Variants in THSD7A observed in about 807,000 individuals in gnomAD.
THSD7A encodes thrombospondin type-1 domain-containing protein 7A.
In THSD7A, 96 loss-of-function variants were observed where a neutral mutation model predicts 231.3. That is an observed-to-expected ratio of 0.41 (90% CI 0.35 to 0.49). The LOEUF is 0.49. Ranked by LOEUF, THSD7A falls within the 20% of genes least tolerant of loss-of-function variation. The probability of loss-of-function intolerance (pLI) is 0.05; values close to 1 mark genes in which losing one functional copy is unlikely to be tolerated. For synonymous variants in THSD7A, 940 were observed against 743.3 expected (o/e 1.26, Z -4.30); for missense variants, 2,290 against 2,070.2 (o/e 1.11, Z -2.06).
chr7:11,700,352 T>A (rs145939947), intron 1 of THSD7A, among the ~76,000 whole-genome samples: 19 of 151,252 alleles, frequency 1.3e-4, no homozygotes, highest in Middle Eastern at 3.2e-3. Flanking sequence ...CACCATATGA[T>A]ACTTGAAAGG....
rs901995989 is a variant in THSD7A at position 11,612,394 on chromosome 7, C to T, written c.1023-18892G>A. Among the ~76,000 whole-genome samples, 9 of 152,184 alleles carry T rather than the reference C, an allele frequency of 5.9e-5. No individual in the cohort carries two copies. In the East Asian group the frequency reaches 7.7e-4, roughly 13 times the overall value. ...AAATAAAGAATGCAGAAACAGTTCT[C>T]GTCAAAGAAGTCATGTCACACATCC... On this transcript the variant is annotated intron_variant, in intron 2 of 27. Transcript: ENST00000423059.
intron 6 of THSD7A, among the ~76,000 whole-genome samples, chr7:11,506,460 C>T (rs922582078): frequency 6.6e-6 from 1 of 152,136 alleles, no homozygotes; most frequent in Non-Finnish European, 1.5e-5. Context: ...CCAGATTCTG[C>T]CTTCTATGTT....
intron 15 of THSD7A, 34 bp from the exon 16 acceptor site, chr7:11,424,863 A>T (rs772677377): frequency 6.2e-7 from 1 of 1,613,036 alleles, no homozygotes; most frequent in Admixed American, 1.7e-5. Context: ...AATCTCAGGG[A>T]ATCTGGTAAG....
intron 6 of THSD7A, among the ~76,000 whole-genome samples, chr7:11,509,459 T>C (rs1166393207): frequency 6.6e-6 from 1 of 152,202 alleles, no homozygotes; most frequent in Non-Finnish European, 1.5e-5. Context: ...AACTTTTCAA[T>C]GCTGCTTTTT....
chr7:11,715,555 TTC>T (rs1294550056), intron 1 of THSD7A, among the ~76,000 whole-genome samples: 1 of 151,504 alleles, frequency 6.6e-6, no homozygotes, highest in East Asian at 2.0e-4. Flanking sequence ...CTTTCCTTCT[TTC>T]TGTCTCTCAA....
At chr7:11,666,075 A>T (rs1783118392) in intron 1 of THSD7A, among the ~76,000 whole-genome samples, 1 of 152,116 alleles carries the variant, frequency 6.6e-6, no homozygotes, top group Non-Finnish European at 1.5e-5. Flanking sequence ...TGTAAGAAAT[A>T]AATTAAAATA....
At chr7:11,509,973 A>C (rs1787735575) in intron 6 of THSD7A, among the ~76,000 whole-genome samples, 1 of 152,062 alleles carries the variant, frequency 6.6e-6, no homozygotes, top group Non-Finnish European at 1.5e-5. Flanking sequence ...CTCTGATTTG[A>C]TCATTACATA....
Position 11,634,095 on chromosome 7 carries a change from T to C in THSD7A, c.1022+2035A>G, listed in dbSNP as rs1369919707. 1.3e-5 allele frequency among the ~76,000 whole-genome samples: 2 copies of C among 152,162 alleles called. No homozygotes were observed. The highest frequency in any genetic ancestry group is 2.9e-5 in the Non-Finnish European group (2 of 68,010). On this transcript the variant is annotated intron_variant, in intron 2 of 27. Coordinates refer to ENST00000423059, the MANE Select transcript of THSD7A (RefSeq NM_015204.3). The surrounding 1 kb of genome is among the most constrained non-coding windows in gnomAD (Gnocchi z 4.1). ...TATCTGATTTTTATCTCTTCTTCTC[T>C]AGGACTTTCTTGATCACACATGATA...
intron 2 of THSD7A, among the ~76,000 whole-genome samples, chr7:11,607,417 T>G (rs560311589): frequency 6.6e-6 from 1 of 152,166 alleles, no homozygotes; most frequent in Non-Finnish European, 1.5e-5. Flanking sequence ...TTTTTCCATA[T>G]GGTGAAATGA....
intron 13 of THSD7A, among the ~76,000 whole-genome samples, chr7:11,433,299 A>C (rs1169735881): frequency 6.6e-6 from 1 of 152,008 alleles, no homozygotes; most frequent in East Asian, 1.9e-4. Flanking sequence ...TTTTTCCTAC[A>C]GCTGAGGCAG....
At chr7:11,538,886 T>A (rs1251174241) in intron 6 of THSD7A, among the ~76,000 whole-genome samples, 2 of 151,934 alleles carry the variant, frequency 1.3e-5, no homozygotes, top group Non-Finnish European at 2.9e-5. Flanking sequence ...TCACTGGGAG[T>A]CTGGACAAAG....
At chr7:11,780,663 G>T (rs1298021420) in intron 1 of THSD7A, among the ~76,000 whole-genome samples, 2 of 151,992 alleles carry the variant, frequency 1.3e-5, no homozygotes, top group Non-Finnish European at 2.9e-5. Flanking sequence ...AATCACCCAG[G>T]GAAACCATTT....
At chr7:11,518,048 T>G (rs779791093) in intron 6 of THSD7A, among the ~76,000 whole-genome samples, 22 of 152,180 alleles carry the variant, frequency 1.4e-4, no homozygotes, top group African/African-American at 4.8e-4. Context: ...CTTGACTGCT[T>G]GCTGGATGGT....
intron 6 of THSD7A, among the ~76,000 whole-genome samples, chr7:11,486,259 T>C (rs1786652171): frequency 6.6e-6 from 1 of 151,240 alleles, no homozygotes; most frequent in African/African-American, 2.5e-5. Flanking sequence ...TTTGGATTGA[T>C]ACACTTTATT....
intron 13 of THSD7A, among the ~76,000 whole-genome samples, chr7:11,442,565 G>A (rs1023862566): frequency 6.6e-6 from 1 of 152,006 alleles, no homozygotes; most frequent in Non-Finnish European, 1.5e-5. Flanking sequence ...TGATTTGGCT[G>A]AAAGAAAGAA....
At chr7:11,527,482 TTCTTA>T (rs1371740743) in intron 6 of THSD7A, among the ~76,000 whole-genome samples, 2 of 152,172 alleles carry the variant, frequency 1.3e-5, no homozygotes. Flanking sequence ...AGTTGATGTT[TTCTTA>T]TCTAACATCA....
rs1269385135 is a variant in THSD7A, at chr7:11,541,553, A to G, written c.1688T>C (p.Leu563Pro). 3 of 1,613,826 alleles carry G rather than the reference A, an allele frequency of 1.9e-6. No individual in the cohort carries two copies. Among genetic ancestry groups the G allele is most frequent in the Non-Finnish European group, 2.5e-6 (3 of 1,179,884 alleles). Residue 563 changes from leucine (L) to proline (P), a missense_variant, in exon 6 of 28, where the codon CTG (leucine) becomes CCG (proline). By Grantham distance (98) the Leu-to-Pro change is moderately conservative. Transcript: ENST00000423059. ...SGVTGNCPHL[L>P]EAIPCEEPAC... ...AGGCTCTTCACAGGGAATGGCTTCC[A>G]GTAAGTGAGGGCAGTTTCCGGTTAC...
intron 11 of THSD7A, 41 bp from the exon 12 acceptor site, chr7:11,447,465 T>C: frequency 7.0e-7 from 1 of 1,436,810 alleles, no homozygotes; most frequent in Non-Finnish European, 9.2e-7. Flanking sequence ...AATTCAAACG[T>C]CTAATTACTC....
chr7:11,751,346 A>C (rs1388023640), intron 1 of THSD7A: 5 of 151,886 alleles, frequency 3.3e-5, no homozygotes, highest in African/African-American at 9.7e-5. Context: ...AAAAGGCTGC[A>C]CTCTGTCCTC....
Sources: allele counts gnomAD v4.1 joint callset (sites outside exome capture counted in the v4.1 genomes callset), GRCh38; gene constraint gnomAD v4.1.1; non-coding constraint Gnocchi (gnomAD v3.1); transcripts MANE v1.5; gene names NCBI Gene and HGNC (gene_info 2026-07-23, HGNC 2026-07-21).